The following LIPJ variants were observed in gnomAD, a reference collection of about 807,000 sequenced individuals.
LIPJ encodes the protein lipase member J.
A neutral mutation model predicts 39.8 loss-of-function variants in LIPJ; 33 were observed. The ratio of observed to expected loss-of-function variants is 0.83; its 90% confidence interval spans 0.63 to 1.11. LIPJ has a LOEUF of 1.11. Ranked by LOEUF, LIPJ falls within the 50% of genes least tolerant of loss-of-function variation. The pLI is 0.00. For missense variants in LIPJ, 422 were observed against 427.9 expected (o/e 0.99, Z 0.12); for synonymous variants, 128 against 139.2 (o/e 0.92, Z 0.57).
At chr10:88,595,781 A>G (rs979577608) in intron 6 of LIPJ, among the ~76,000 whole-genome samples, 1 of 151,630 alleles carries the variant, frequency 6.6e-6, no homozygotes, top group African/African-American at 2.4e-5. Context: ...AAAGGGAAAA[A>G]TGACTATTTT....
chr10:88,620,251 A>G, the LIPJ span, among the ~76,000 whole-genome samples: 1 of 152,172 alleles, frequency 6.6e-6, no homozygotes, highest in East Asian at 1.9e-4. Flanking sequence ...GTAATGTGGA[A>G]TCCAAAATAG....
exon 10 of LIPJ, chr10:88,605,670 G>A (rs767864366): frequency 1.2e-6 from 2 of 1,611,784 alleles, no homozygotes; most frequent in East Asian, 4.5e-5. Flanking sequence ...TATGACTGGG[G>A]CAGTCCTGAT....
downstream of LIPJ, among the ~76,000 whole-genome samples, chr10:88,609,603 CAAG>C (rs1448549236): frequency 1.3e-5 from 2 of 152,080 alleles, no homozygotes; most frequent in African/African-American, 2.4e-5. Flanking sequence ...GAATTTCAGT[CAAG>C]AAAAGGAAAC....
At chr10:88,601,212 T>C (rs1019500612) in intron 8 of LIPJ, among the ~76,000 whole-genome samples, 1 of 152,134 alleles carries the variant, frequency 6.6e-6, no homozygotes, top group African/African-American at 2.4e-5. Flanking sequence ...CTTCCCAAAC[T>C]GCTGGGATTT....
chr10:88,610,604 T>A (rs575940959), downstream of LIPJ, among the ~76,000 whole-genome samples: 76 of 152,250 alleles, frequency 5.0e-4, no homozygotes, highest in Non-Finnish European at 8.8e-4. Flanking sequence ...TTTTAAAAAA[T>A]TTTATAGAAT....
At chr10:88,590,490 A>G (rs576712692) in intron 2 of LIPJ, 95 bp from the exon 3 acceptor site, 15 of 469,624 alleles carry the variant, frequency 3.2e-5, no homozygotes, top group African/African-American at 1.9e-4. Flanking sequence ...GAAAACAGTA[A>G]TATTTCCTAC....
chr10:88,594,029 G>A, exon 5 of LIPJ: 1 of 1,612,356 alleles, frequency 6.2e-7, no homozygotes. Flanking sequence ...CAATAGTCTG[G>A]GCTTCATTCT....
intron 8 of LIPJ, among the ~76,000 whole-genome samples, chr10:88,598,458 G>A (rs1652854520): frequency 6.6e-6 from 1 of 152,018 alleles, no homozygotes; most frequent in Non-Finnish European, 1.5e-5. Context: ...ACCTTGTCCA[G>A]GTGTTACAAT....
chr10:88,619,460 C>CACACACACACACACACACACAT, the LIPJ span, among the ~76,000 whole-genome samples: 61 of 151,922 alleles, frequency 4.0e-4, no homozygotes, highest in African/African-American at 1.4e-3. Flanking sequence ...TTGCCACACA[C>CACACACACACACACACACACAT]ACACACACAC....
chr10:88,610,040 C>A (rs1316095441), downstream of LIPJ, among the ~76,000 whole-genome samples: 1 of 152,090 alleles, frequency 6.6e-6, no homozygotes, highest in Non-Finnish European at 1.5e-5. Context: ...TTCAGTCCAC[C>A]AACAGGAAGT....
rs1851259351 is a variant in LIPJ, at chr10:88,596,485, T to A, written c.576+69T>A. On this transcript the variant is annotated intron_variant, in intron 7 of 10. Transcript: ENST00000371939. ...TAATTTTATGCTTTCAAATAAGAGATCTTGACTATACGTAGACAACCACAA... is the reference window on the plus strand; with the variant it reads ...TAATTTTATGCTTTCAAATAAGAGAACTTGACTATACGTAGACAACCACAA... 3.6e-6 allele frequency: 5 copies of A among 1,403,098 alleles called. No individual in the cohort carries two copies. In the East Asian group the frequency reaches 1.0e-4, roughly 28 times the overall value. The allele number at this position is 1,403,098 out of a possible 1,614,324, so 86.9% of individuals were successfully genotyped here. A position where few individuals can be genotyped will look rare whatever the true frequency, so the allele number is the denominator to read the frequency against.
chr10:88,613,800 A>ATATATGTGTGTGTG, the LIPJ span, among the ~76,000 whole-genome samples: 167 of 74,150 alleles, frequency 2.3e-3, no homozygotes, highest in South Asian at 4.8e-3. Flanking sequence ...ATATATATAT[A>ATATATGTGTGTGTG]TGTGTGTGTG....
intron 9 of LIPJ, 152 bp from the exon 10 acceptor site, chr10:88,605,481 C>T (rs958877567): frequency 3.4e-5 from 22 of 654,972 alleles, no homozygotes; most frequent in South Asian, 3.1e-4. Flanking sequence ...ATTTATTTCC[C>T]TATCCAAAGG....
chr10:88,616,964 G>A, the LIPJ span, among the ~76,000 whole-genome samples: 1 of 152,044 alleles, frequency 6.6e-6, no homozygotes, highest in Admixed American at 6.6e-5. Flanking sequence ...CTTCTTTTCT[G>A]GGCCTTTCTC....
chr10:88,597,860 C>T lies in LIPJ; in HGVS notation c.723+924C>T, dbSNP rs1258467815. 2.6e-5 allele frequency among the ~76,000 whole-genome samples: 4 copies of T among 151,842 alleles called. No individual in the cohort carries two copies. In the East Asian group the frequency reaches 7.7e-4, roughly 29 times the overall value. On this transcript the variant is annotated intron_variant, in intron 8 of 10. Coordinates refer to ENST00000371939, the Ensembl canonical transcript of LIPJ. ...GAGGGGCCTGGAAGAATCATAAATACAATGTTTATTTTTACTTATCCACTC... is the reference window on the plus strand; with the variant it reads ...GAGGGGCCTGGAAGAATCATAAATATAATGTTTATTTTTACTTATCCACTC...
intron 3 of LIPJ, 96 bp downstream of exon 3, chr10:88,590,792 TA>T (rs1851052623): frequency 1.2e-6 from 1 of 820,810 alleles, no homozygotes; most frequent in Non-Finnish European, 2.1e-6. Flanking sequence ...CAGTCAAACG[TA>T]TACATCTATA....
At chr10:88,606,699 C>G (rs747564013) in exon 11 of LIPJ, 1 of 1,612,152 alleles carries the variant, frequency 6.2e-7, no homozygotes, top group East Asian at 2.2e-5. Flanking sequence ...TACAACATGA[C>G]AAACATGAAT....
At chr10:88,614,071 A>G in the LIPJ span, among the ~76,000 whole-genome samples, 7 of 151,518 alleles carry the variant, frequency 4.6e-5, no homozygotes, top group African/African-American at 1.7e-4. Flanking sequence ...TCTTATTTGG[A>G]TCTTAAGCAC....
chr10:88,615,881 C>T, the LIPJ span, among the ~76,000 whole-genome samples: 1 of 152,100 alleles, frequency 6.6e-6, no homozygotes, highest in Non-Finnish European at 1.5e-5. Flanking sequence ...ACATTATTCA[C>T]AATATCCCAA....
Sources: allele counts gnomAD v4.1 joint callset (sites outside exome capture counted in the v4.1 genomes callset), GRCh38; gene constraint gnomAD v4.1.1; transcripts MANE v1.5; gene names NCBI Gene and HGNC (gene_info 2026-07-23, HGNC 2026-07-21).